PKD1L3: variants seen among roughly 807,000 people sequenced by gnomAD.
The protein encoded by PKD1L3 is polycystin-1-like protein 3.
In PKD1L3, 239 loss-of-function variants were observed where a neutral mutation model predicts 184.1. That is an observed-to-expected ratio of 1.30 (90% CI 1.17 to 1.45). The LOEUF (loss-of-function observed/expected upper bound fraction) is 1.45. Among genes scored for constraint, PKD1L3 ranks in the 40% most tolerant of loss-of-function variants. The probability of loss-of-function intolerance (pLI) is 0.00; values close to 1 mark genes in which losing one functional copy is unlikely to be tolerated. For synonymous variants in PKD1L3, 996 were observed against 778.8 expected, an observed-to-expected ratio of 1.28 and a Z score of -4.64; for missense variants, 2,660 against 2,067.2, an observed-to-expected ratio of 1.29 and a Z score of -5.56.
At chr16:71,934,429 C>T (rs148802277) in intron 26 of PKD1L3, among the ~76,000 whole-genome samples, 171 of 152,276 alleles carry the variant, frequency 1.1e-3, no homozygotes, top group African/African-American at 4.0e-3. Flanking sequence ...CAAAACCAGC[C>T]TCCTGCACTG....
At chr16:71,957,915 C>T (rs1358181127) in intron 16 of PKD1L3, among the ~76,000 whole-genome samples, 1 of 152,222 alleles carries the variant, frequency 6.6e-6, no homozygotes, top group Admixed American at 6.5e-5. Flanking sequence ...TTCATCTGTG[C>T]TGTCTTCTTA....
intron 21 of PKD1L3, among the ~76,000 whole-genome samples, chr16:71,948,367 G>A (rs1187739327): frequency 1.3e-5 from 2 of 152,168 alleles, no homozygotes; most frequent in Non-Finnish European, 1.5e-5. Flanking sequence ...ACAGGCGTGA[G>A]CCCCCACAGC....
At position 71,973,479 on chromosome 16, in the gene PKD1L3, G is replaced by A; in HGVS notation, c.1798C>T (p.Gln600Ter). The A allele has an allele frequency of 1.3e-6, 2 of 1,551,838 alleles. No individual in the cohort carries two copies. The highest frequency in any genetic ancestry group is 1.7e-6 in the Non-Finnish European group (2 of 1,147,048). ...YTWVLNPEHLQHGIGTYYITA... is the reference protein window; with the variant it reads ...YTWVLNPEHL ...ATATAGTAGGTGCCAATCCCGTGCT[G>A]CAGATGCTCTGGATTCAGCACCCAC... is the stretch of plus-strand genomic sequence containing the variant. The change falls in exon 12 of 30, where the codon CAG (glutamine) becomes TAG (stop). Residue 600 changes from glutamine to a stop codon, truncating the protein, a stop_gained. Transcript: ENST00000620267. LOFTEE classifies it high-confidence loss of function.
intron 2 of PKD1L3, among the ~76,000 whole-genome samples, chr16:71,996,422 G>A (rs1395710756): frequency 4.0e-5 from 6 of 151,698 alleles, no homozygotes; most frequent in Non-Finnish European, 7.4e-5. Flanking sequence ...CACCACGCCT[G>A]GCTAATTTTT....
intron 16 of PKD1L3, among the ~76,000 whole-genome samples, chr16:71,958,256 G>A (rs182691554): frequency 0.037 from 5,599 of 150,670 alleles, 322 homozygotes; most frequent in African/African-American, 0.13. Context: ...GCGTAGTGGC[G>A]GGCGCCTGTA....
intron 28 of PKD1L3, among the ~76,000 whole-genome samples, chr16:71,932,028 G>A (rs1461162350): frequency 6.6e-6 from 1 of 152,066 alleles, no homozygotes; most frequent in Non-Finnish European, 1.5e-5. Flanking sequence ...ACAGGTACAT[G>A]CTACCATGCC....
intron 17 of PKD1L3, among the ~76,000 whole-genome samples, chr16:71,953,662 C>G (rs372258640): frequency 1.3e-5 from 2 of 152,022 alleles, no homozygotes; most frequent in East Asian, 3.9e-4. Flanking sequence ...GGTGCAATCT[C>G]GGCTCACTGC....
At chr16:71,984,910 G>C (rs1327873983) in intron 5 of PKD1L3, among the ~76,000 whole-genome samples, 2 of 152,170 alleles carry the variant, frequency 1.3e-5, no homozygotes, top group Non-Finnish European at 2.9e-5. Flanking sequence ...CTCATAGCAA[G>C]AGGTGGGAAG....
Position 71,973,366 on chromosome 16 carries a change from G to C in PKD1L3, c.1911C>G (p.Tyr637Ter), listed in dbSNP as rs753369662. 1.3e-6 allele frequency: 2 copies of C among 1,551,704 alleles called. No individual in the cohort carries two copies. Among genetic ancestry groups the C allele is most frequent in the African/African-American group, 1.4e-5 (1 of 73,158 alleles). Reference sequence around the variant, plus strand: ...TCCATGTCTGGTTGTGGATCTCCCAGTAGTAACACTGAGTGACGGCGGTGA... The same window carrying C: ...TCCATGTCTGGTTGTGGATCTCCCACTAGTAACACTGAGTGACGGCGGTGA... ...SVITAVTQCY[Y>*]WEIHNQTWSS... Residue 637 changes from tyrosine to a stop codon, truncating the protein, a stop_gained, in exon 12 of 30, where the codon TAC (tyrosine) becomes TAG (stop). Coordinates refer to ENST00000620267, the MANE Select transcript of PKD1L3 (RefSeq NM_181536.2). LOFTEE classifies it high-confidence loss of function.
chr16:71,936,227 CAG>C (rs1256105708), intron 25 of PKD1L3, among the ~76,000 whole-genome samples: 3 of 140,378 alleles, frequency 2.1e-5, no homozygotes, highest in Non-Finnish European at 4.6e-5. Context: ...TTTTTTGAGA[CAG>C]AGTTTCACTC....
chr16:71,968,414 C>G (rs1309760303), intron 13 of PKD1L3, among the ~76,000 whole-genome samples: 1 of 152,088 alleles, frequency 6.6e-6, no homozygotes, highest in African/African-American at 2.4e-5. Context: ...AACTAGGTAG[C>G]CTGTATTTTT....
rs745527563 is a variant in PKD1L3, at chr16:71,933,995, T to G, written c.4744A>C (p.Arg1582=). ...RHSPRLRVIS[R]TLSRAWDEVV... ...TCGTCCCAGGCTCGGCTCAGTGTCCTGCTGATGACCCGCAGCCTGGGGCTA... is the reference window on the plus strand; with the variant it reads ...TCGTCCCAGGCTCGGCTCAGTGTCCGGCTGATGACCCGCAGCCTGGGGCTA... Residue 1582 remains arginine, a synonymous_variant, in exon 27 of 30, where the codon AGG becomes CGG. Transcript: ENST00000620267. 1.3e-6 allele frequency: 2 copies of G among 1,551,682 alleles called. No homozygotes were observed. Among genetic ancestry groups the G allele is most frequent in the Non-Finnish European group, 1.7e-6 (2 of 1,146,992 alleles).
chr16:71,984,800 A>G (rs2040296111), intron 5 of PKD1L3, among the ~76,000 whole-genome samples: 1 of 152,228 alleles, frequency 6.6e-6, no homozygotes, highest in South Asian at 2.1e-4. Flanking sequence ...CAGAGGTTGC[A>G]GTGAGCCGAG....
At chr16:71,973,975 C>G (rs1273046959) in intron 11 of PKD1L3, among the ~76,000 whole-genome samples, 1 of 148,328 alleles carries the variant, frequency 6.7e-6, no homozygotes, top group Non-Finnish European at 1.5e-5. Flanking sequence ...ATACTCTAGC[C>G]TGGGCAACAG....
rs1350555020 is a variant in PKD1L3, at chr16:72,000,385, G to A, written c.-407C>T. Among the ~76,000 whole-genome samples, 3 of 152,086 alleles carry A rather than the reference G, an allele frequency of 2.0e-5. No individual in the cohort carries two copies. Among genetic ancestry groups the A allele is most frequent in the Admixed American group, 2.0e-4 (3 of 15,262 alleles). Reference sequence around the variant, plus strand: ...GTCTCATTCTGTTGGTCAGGCTGGAGTGCAGTGGCATGATCTCAGCTCACT... The same window carrying A: ...GTCTCATTCTGTTGGTCAGGCTGGAATGCAGTGGCATGATCTCAGCTCACT... On this transcript the variant is annotated 5_prime_UTR_variant, in exon 1 of 30. Transcript: ENST00000620267.
intron 17 of PKD1L3, 138 bp downstream of exon 17, chr16:71,953,967 G>C: frequency 1.5e-6 from 1 of 654,530 alleles, no homozygotes; most frequent in Non-Finnish European, 2.4e-6. Flanking sequence ...TGTAATCCTA[G>C]CACTTCAGGA....
rs779499857 is a variant in PKD1L3 at position 71,993,242 on chromosome 16, G to C, written c.509C>G (p.Ala170Gly). The C allele has an allele frequency of 3.9e-6, 6 of 1,549,620 alleles. No homozygotes were observed. Among genetic ancestry groups the C allele is most frequent in the African/African-American group, 2.7e-5 (2 of 72,882 alleles). ...QRHKKTKRGV[A>G]IARDKMPPGP... ...TGGGGGCATTTTGTCTCTTGCTATT[G>C]CAACTCCTCTTTTTGTCTTCTTGTG... The change falls in exon 3 of 30, where the codon GCA becomes GGA. Residue 170 changes from alanine (A) to glycine (G), a missense_variant. Physicochemically the swap from Ala to Gly is moderately conservative, Grantham distance 60. Transcript: ENST00000620267.
chr16:71,978,897 C>A (rs1453608654), intron 9 of PKD1L3, among the ~76,000 whole-genome samples: 4 of 152,082 alleles, frequency 2.6e-5, no homozygotes, highest in African/African-American at 9.7e-5. Flanking sequence ...AATGAAATAA[C>A]ATTCCCCATT....
At chr16:71,955,467 A>G (rs954889953) in intron 16 of PKD1L3, among the ~76,000 whole-genome samples, 12 of 152,104 alleles carry the variant, frequency 7.9e-5, no homozygotes, top group African/African-American at 2.9e-4. Flanking sequence ...GTATATAAAC[A>G]CACACACATA....
Sources: gnomAD v4.1 joint callset for allele counts (sites outside exome capture counted in the v4.1 genomes callset) on GRCh38, gnomAD v4.1.1 for gene constraint, MANE v1.5 for transcripts, NCBI Gene and HGNC (gene_info 2026-07-23, HGNC 2026-07-21) for gene names.